URI1: variants seen among roughly 807,000 people sequenced by gnomAD.
URI1 encodes unconventional prefoldin RPB5 interactor 1.
URI1 carries 39 observed loss-of-function variants against 60.2 expected under a neutral mutation model. The observed-to-expected ratio is 0.65, with a 90% CI of 0.50 to 0.85. The LOEUF (loss-of-function observed/expected upper bound fraction) is 0.85. Among genes scored for constraint, URI1 ranks in the 40% least tolerant of loss-of-function variants. The pLI, the probability that URI1 is intolerant of heterozygous loss-of-function variation, is 0.00. For synonymous variants in URI1, 251 were observed against 236.8 expected (o/e 1.06, Z -0.55); for missense variants, 691 against 665.9 (o/e 1.04, Z -0.42).
chr19:29,983,493 A>G (rs986200952), intron 2 of URI1, among the ~76,000 whole-genome samples: 2 of 152,186 alleles, frequency 1.3e-5, no homozygotes, highest in African/African-American at 4.8e-5. Flanking sequence ...CATTTATATT[A>G]TCTGGAGAGT....
chr19:29,924,426 A>G (rs1178428659), intron 1 of URI1, among the ~76,000 whole-genome samples: 1 of 152,180 alleles, frequency 6.6e-6, no homozygotes, highest in African/African-American at 2.4e-5. Context: ...TGCTCGGTGT[A>G]CTGGCGATCT....
At chr19:29,944,143 A>G (rs1299044217) in intron 1 of URI1, among the ~76,000 whole-genome samples, 1 of 17,356 alleles carries the variant, frequency 5.8e-5, no homozygotes, top group South Asian at 2.5e-3. Flanking sequence ...TGTCATTCAT[A>G]TATATATATA....
intron 1 of URI1, among the ~76,000 whole-genome samples, chr19:29,950,708 G>C (rs2055169110): frequency 6.6e-6 from 1 of 151,918 alleles, no homozygotes; most frequent in Non-Finnish European, 1.5e-5. Context: ...AATTAACATT[G>C]ACATGTACCA....
Position 30,015,247 on chromosome 19 carries a change from C to CT in URI1, c.*181dup. ...AAAAATCAAGGTAACTGTCTGAATA[C>CT]TTTAATATCAGCTTGTTTTGTGAAT... is the stretch of plus-strand genomic sequence containing the variant. On this transcript the variant is annotated 3_prime_UTR_variant, in exon 11 of 11. Transcript: ENST00000392271. 7.1e-7 allele frequency: 1 copy of CT among 1,415,528 alleles called. No individual in the cohort carries two copies. The highest frequency in any genetic ancestry group is 9.2e-7 in the Non-Finnish European group (1 of 1,089,496). 87.7% of individuals were successfully genotyped at this position (1,415,528 alleles called of 1,614,324 possible).
At chr19:29,953,209 A>T (rs2145261309) in intron 1 of URI1, among the ~76,000 whole-genome samples, 1 of 152,334 alleles carries the variant, frequency 6.6e-6, no homozygotes, top group East Asian at 1.9e-4. Flanking sequence ...TGTGGCTATT[A>T]TACTTAAATT....
chr19:30,001,548 A>G (rs1178860434), intron 4 of URI1, among the ~76,000 whole-genome samples: 2 of 151,920 alleles, frequency 1.3e-5, no homozygotes, highest in Non-Finnish European at 2.9e-5. Flanking sequence ...TTAAGCAAGA[A>G]AGGAGAAACC....
chr19:29,974,303 TAAAA>T (rs759521469), intron 2 of URI1, among the ~76,000 whole-genome samples: 1 of 147,102 alleles, frequency 6.8e-6, no homozygotes, highest in Non-Finnish European at 1.5e-5. Context: ...GTCAGACAAA[TAAAA>T]AAAAAAGCCA....
At chr19:29,996,883 A>G (rs1447220235) in intron 4 of URI1, among the ~76,000 whole-genome samples, 2 of 151,276 alleles carry the variant, frequency 1.3e-5, no homozygotes, top group African/African-American at 4.9e-5. Flanking sequence ...TTTCCTCTTC[A>G]TTCTGCTAAT....
At chr19:29,957,633 A>G (rs1282751835) in intron 1 of URI1, among the ~76,000 whole-genome samples, 2 of 152,082 alleles carry the variant, frequency 1.3e-5, no homozygotes, top group East Asian at 1.9e-4. Flanking sequence ...TTTTTTGTAT[A>G]TATTTTAGGA....
At chr19:30,013,234 C>A (rs550770735) in intron 10 of URI1, among the ~76,000 whole-genome samples, 69 of 152,238 alleles carry the variant, frequency 4.5e-4, no homozygotes, top group Non-Finnish European at 8.4e-4. Flanking sequence ...GATTGGGGAA[C>A]CCATGCCTGG....
intron 1 of URI1, among the ~76,000 whole-genome samples, chr19:29,950,156 A>G (rs565368468): frequency 1.3e-5 from 2 of 151,744 alleles, no homozygotes; most frequent in East Asian, 3.9e-4. Context: ...AGTTCTTTGG[A>G]AGTTGTCAAT....
intron 4 of URI1, among the ~76,000 whole-genome samples, chr19:29,993,301 C>G (rs950040690): frequency 6.6e-6 from 1 of 152,066 alleles, no homozygotes; most frequent in African/African-American, 2.4e-5. Context: ...GAGTGGTGAC[C>G]TAGAGGCAAT....
At chr19:29,936,258 C>T (rs938712837) in intron 1 of URI1, among the ~76,000 whole-genome samples, 15 of 152,016 alleles carry the variant, frequency 9.9e-5, no homozygotes, top group South Asian at 2.1e-4. Flanking sequence ...TGCCCACCAC[C>T]GCATCTGGCT....
In URI1 at chr19:30,016,543, T is replaced by A. The variant is rs2056088182; in HGVS notation, c.*1474T>A. 6.6e-6 allele frequency: 1 copy of A among 152,154 alleles called. No homozygotes were observed. Among genetic ancestry groups the A allele is most frequent in the Non-Finnish European group, 1.5e-5 (1 of 67,988 alleles). 9.4% of individuals were successfully genotyped at this position (152,154 alleles called of 1,614,324 possible). ...TCAGAAACAAACTTTACTGTAGGAC[T>A]ATTGTGGTGTTCTTAACAGATTTGT... is the stretch of plus-strand genomic sequence containing the variant. On this transcript the variant is annotated 3_prime_UTR_variant, in exon 11 of 11. Transcript: ENST00000392271.
rs1349986037 is a variant in URI1, at chr19:30,005,454, T to G, written c.459+2T>G. The G allele has an allele frequency of 1.9e-6, 3 of 1,586,044 alleles. No homozygotes were observed. Among genetic ancestry groups the G allele is most frequent in the Non-Finnish European group, 2.6e-6 (3 of 1,169,856 alleles). On this transcript the variant is annotated splice_donor_variant, in intron 5 of 10. Transcript: ENST00000392271. LOFTEE classifies it high-confidence loss of function. ...GAAGATTTGCAGAAAATGAGCGATG[T>G]GAGTATTTGTTTTTAGTCTTCTATA... is the stretch of plus-strand genomic sequence containing the variant.
At chr19:29,983,996 A>G (rs1018644162) in intron 2 of URI1, among the ~76,000 whole-genome samples, 3 of 152,220 alleles carry the variant, frequency 2.0e-5, no homozygotes, top group African/African-American at 7.2e-5. Flanking sequence ...TAATCACATT[A>G]TTATGAATAA....
At chr19:30,003,233 C>T (rs2055899661) in intron 4 of URI1, among the ~76,000 whole-genome samples, 1 of 151,938 alleles carries the variant, frequency 6.6e-6, no homozygotes, top group Non-Finnish European at 1.5e-5. Context: ...TTATTGTGAG[C>T]ACCAGGTTCG....
Position 30,015,085 on chromosome 19 carries a change from T to C in URI1, c.*16T>C. 6.2e-7 allele frequency: 1 copy of C among 1,607,028 alleles called. No homozygotes were observed. The highest frequency in any genetic ancestry group is 1.7e-5 in the Admixed American group (1 of 58,310). On this transcript the variant is annotated 3_prime_UTR_variant, in exon 11 of 11. Coordinates refer to ENST00000392271, the MANE Select transcript of URI1 (RefSeq NM_003796.3). ...GAAAGACTAGGCCCTGTCTAGGAAATGGGAATTTACATCCTAAAACCTAGT... is the reference window on the plus strand; with the variant it reads ...GAAAGACTAGGCCCTGTCTAGGAAACGGGAATTTACATCCTAAAACCTAGT...
intron 1 of URI1, among the ~76,000 whole-genome samples, chr19:29,947,572 A>G (rs1330451752): frequency 6.6e-6 from 1 of 152,208 alleles, no homozygotes; most frequent in East Asian, 1.9e-4. Context: ...AATGAGGTTG[A>G]TGACCTTTTC....
Sources: gnomAD v4.1 joint callset for allele counts (sites outside exome capture counted in the v4.1 genomes callset) on GRCh38, gnomAD v4.1.1 for gene constraint, MANE v1.5 for transcripts, NCBI Gene and HGNC (gene_info 2026-07-23, HGNC 2026-07-21) for gene names.